The following DOCK8 variants were observed in gnomAD, a reference collection of about 807,000 sequenced individuals.
The protein encoded by DOCK8 is dedicator of cytokinesis protein 8.
A neutral mutation model predicts 245.6 loss-of-function variants in DOCK8; 141 were observed. That is an observed-to-expected ratio of 0.57 (90% CI 0.50 to 0.66). The LOEUF is 0.66. Among genes scored for constraint, DOCK8 ranks in the 30% least tolerant of loss-of-function variants. DOCK8 has a pLI of 0.00. For synonymous variants in DOCK8, 1,168 were observed against 970.2 expected (o/e 1.20, Z -3.79); for missense variants, 2,965 against 2,603.4 (o/e 1.14, Z -3.02).
chr9:212,431 AAAG>A (rs1278542854), upstream of DOCK8, among the ~76,000 whole-genome samples: 1 of 152,192 alleles, frequency 6.6e-6, no homozygotes, highest in Non-Finnish European at 1.5e-5. Flanking sequence ...TCAGATGCGG[AAAG>A]AAGGAGGCCT....
chr9:285,037 C>T (rs745876955), intron 2 of DOCK8, among the ~76,000 whole-genome samples: 2 of 152,074 alleles, frequency 1.3e-5, no homozygotes, highest in Admixed American at 1.3e-4. Flanking sequence ...CAACAAACCC[C>T]CATGACATGA....
chr9:316,898 T>A, intron 6 of DOCK8, 145 bp from the exon 7 acceptor site: 1 of 696,466 alleles, frequency 1.4e-6, no homozygotes, highest in South Asian at 1.6e-5. Context: ...AGAGAAACTT[T>A]CTTATAAAAG....
chr9:408,003 A>G (rs1377657655), intron 28 of DOCK8, among the ~76,000 whole-genome samples: 1 of 152,192 alleles, frequency 6.6e-6, no homozygotes, highest in East Asian at 1.9e-4. Context: ...ATCTAAAGCC[A>G]TGGTCTTCCC....
chr9:267,729 T>G (rs1313532518), intron 1 of DOCK8, among the ~76,000 whole-genome samples: 2 of 152,366 alleles, frequency 1.3e-5, no homozygotes, highest in East Asian at 3.9e-4. Flanking sequence ...CTAATTTATA[T>G]TTTTGTCATT....
chr9:215,240 C>T (rs1414757392), intron 1 of DOCK8: 12 of 1,582,874 alleles, frequency 7.6e-6, no homozygotes, highest in East Asian at 4.7e-5. Flanking sequence ...AGGTCCTCCC[C>T]AAGAATCTCG....
At chr9:403,902 A>ATG (rs2055245579) in intron 26 of DOCK8, among the ~76,000 whole-genome samples, 5 of 89,020 alleles carry the variant, frequency 5.6e-5, no homozygotes, top group African/African-American at 3.3e-4. Context: ...CTATATATAT[A>ATG]TATATATATA....
intron 4 of DOCK8, among the ~76,000 whole-genome samples, chr9:298,993 T>C (rs1200566373): frequency 6.6e-6 from 1 of 152,212 alleles, no homozygotes; most frequent in Non-Finnish European, 1.5e-5. Flanking sequence ...TAATGTTAGA[T>C]AAATTCTTTG....
chr9:382,753 G>C, intron 22 of DOCK8, 68 bp downstream of exon 22: 2 of 1,574,478 alleles, frequency 1.3e-6, no homozygotes, highest in Middle Eastern at 1.7e-4. Context: ...ACTTGGAGAA[G>C]TAACACAGAA....
At chr9:324,254 C>G (rs1038711899) in intron 7 of DOCK8, among the ~76,000 whole-genome samples, 2 of 152,182 alleles carry the variant, frequency 1.3e-5, no homozygotes, top group Non-Finnish European at 2.9e-5. Context: ...CATATTCTGT[C>G]CAAATATTCT....
intron 25 of DOCK8, 77 bp from the exon 26 acceptor site, chr9:399,069 A>C (rs1220899680): frequency 2.9e-6 from 4 of 1,368,582 alleles, no homozygotes; most frequent in Non-Finnish European, 4.1e-6. Context: ...TGTCTCTCCC[A>C]ATGTTCCCAC....
intron 39 of DOCK8, among the ~76,000 whole-genome samples, chr9:435,755 G>A (rs1003009833): frequency 6.6e-6 from 1 of 152,190 alleles, no homozygotes; most frequent in Non-Finnish European, 1.5e-5. Flanking sequence ...GGATGGGGAT[G>A]CTCAGTGGCC....
upstream of DOCK8, chr9:214,400 T>C: frequency 1.0e-6 from 1 of 971,320 alleles, no homozygotes; most frequent in South Asian, 1.6e-5. Flanking sequence ...ATGATGGGCA[T>C]ATTGCTTGCA....
chr9:449,861 G>A lies in DOCK8; in HGVS notation c.5895G>A (p.Gln1965=). The part of the protein sequence containing the change: ...KTLQLAVAIN[Q]EPPDAKMLQM... Reference sequence around the variant, plus strand: ...TGCAGTTAGCAGTTGCCATTAACCAGGAGCCGCCTGATGCAAAGATGCTTC... The same window carrying A: ...TGCAGTTAGCAGTTGCCATTAACCAAGAGCCGCCTGATGCAAAGATGCTTC... Residue 1965 remains glutamine, a synonymous_variant, in exon 45 of 48, where the codon CAG becomes CAA. Coordinates refer to ENST00000432829, the MANE Select transcript of DOCK8 (RefSeq NM_203447.4). 6.2e-7 allele frequency: 1 copy of A among 1,613,756 alleles called. No individual in the cohort carries two copies. The highest frequency in any genetic ancestry group is 2.2e-5 in the East Asian group (1 of 44,878).
intron 28 of DOCK8, among the ~76,000 whole-genome samples, chr9:407,922 A>G (rs2055516499): frequency 1.3e-5 from 2 of 152,146 alleles, no homozygotes; most frequent in South Asian, 2.1e-4. Context: ...TTGAGATTCA[A>G]CACTTCTGGT....
At chr9:399,301 G>T in intron 26 of DOCK8, 42 bp downstream of exon 26, 5 of 1,467,014 alleles carry the variant, frequency 3.4e-6, no homozygotes, top group Non-Finnish European at 4.7e-6. Context: ...GAGCCACTTG[G>T]TTCCTTCTCA....
At position 286,491 on chromosome 9, in the gene DOCK8, G is replaced by A. The variant is rs3209441; in HGVS notation, c.187G>A (p.Asp63Asn). ...GTTTTATGACCCTGTGGAGCCAGTG[G>A]ACTTTGAAGGACTTCTGATGACACA... is the stretch of plus-strand genomic sequence containing the variant. ...PQFYDPVEPV[D>N]FEGLLMTHLN... Residue 63 changes from aspartate to asparagine, a missense_variant, in exon 3 of 48, where the codon GAC (aspartate) becomes AAC (asparagine). By Grantham distance (23) the Asp-to-Asn change is conservative. Transcript: ENST00000432829. The A allele has an allele frequency of 0.16, 255,043 of 1,613,776 alleles. 22,346 individuals are homozygous for A. Among genetic ancestry groups the A allele is most frequent in the Non-Finnish European group, 0.18 (216,543 of 1,179,798 alleles).
intron 33 of DOCK8, among the ~76,000 whole-genome samples, chr9:425,254 C>T (rs944061233): frequency 1.6e-4 from 25 of 152,114 alleles, no homozygotes; most frequent in East Asian, 5.8e-4. Flanking sequence ...GATAAGGGGC[C>T]GGGCACAGTG....
Position 340,291 on chromosome 9 carries a change from G to C in DOCK8, c.1649G>C (p.Arg550Pro), listed in dbSNP as rs886063879. Residue 550 changes from arginine (R) to proline (P), a missense_variant, in exon 14 of 48, where the codon CGA becomes CCA. Coordinates refer to ENST00000432829, the MANE Select transcript of DOCK8 (RefSeq NM_203447.4). ...PHKEILEFPTREVYVPHTVYR... is the reference protein window; with the variant it reads ...PHKEILEFPTPEVYVPHTVYR... ...AAAGAGATTTTGGAATTTCCAACACGAGAAGTATATGTCCCTCACACTGTG... is the reference window on the plus strand; with the variant it reads ...AAAGAGATTTTGGAATTTCCAACACCAGAAGTATATGTCCCTCACACTGTG... 3 of 1,614,060 alleles carry C rather than the reference G, an allele frequency of 1.9e-6. No individual in the cohort carries two copies. Among genetic ancestry groups the C allele is most frequent in the Non-Finnish European group, 2.5e-6 (3 of 1,179,994 alleles).
chr9:434,715 A>C, intron 38 of DOCK8, 68 bp from the exon 39 acceptor site: 2 of 1,552,330 alleles, frequency 1.3e-6, no homozygotes, highest in East Asian at 2.3e-5. Context: ...AAAAGGTCAC[A>C]CAAAGTAGAA....
Sources: allele counts gnomAD v4.1 joint callset (sites outside exome capture counted in the v4.1 genomes callset), GRCh38; gene constraint gnomAD v4.1.1; transcripts MANE v1.5; gene names NCBI Gene and HGNC (gene_info 2026-07-23, HGNC 2026-07-21).